Variants in PDK1 observed in about 807,000 individuals in gnomAD.
PDK1 encodes the protein pyruvate dehydrogenase kinase 1.
PDK1 carries 39 observed loss-of-function variants against 54.2 expected under a neutral mutation model. The observed-to-expected ratio is 0.72, with a 90% CI of 0.56 to 0.94. PDK1 has a LOEUF of 0.94. Among genes scored for constraint, PDK1 ranks in the 40% least tolerant of loss-of-function variants. PDK1 has a pLI of 0.00. For synonymous variants in PDK1, 221 were observed against 207.1 expected (o/e 1.07, Z -0.58); for missense variants, 552 against 566.0 (o/e 0.98, Z 0.25).
At chr2:172,643,757 C>T in the PDK1 span, among the ~76,000 whole-genome samples, 1 of 152,188 alleles carries the variant, frequency 6.6e-6, no homozygotes, top group East Asian at 1.9e-4. Flanking sequence ...AGGGCCAGTT[C>T]TCCCTGCCCC....
the PDK1 span, among the ~76,000 whole-genome samples, chr2:172,619,552 T>C: frequency 6.6e-6 from 1 of 152,092 alleles, no homozygotes; most frequent in East Asian, 1.9e-4. Flanking sequence ...TTTGGTTTTC[T>C]GCGGTAACAG....
In PDK1 at chr2:172,556,208, C is replaced by T. The variant is rs2149169062; in HGVS notation, c.58C>T (p.Arg20Cys). ...AALAGPGPGL[R>C]AAGFSRSFSS... is the part of the protein sequence containing the mutation. Reference sequence around the variant, plus strand: ...CTTGGCCGGCCCGGGCCCGGGGCTGCGCGCCGCCGGCTTCAGCCGCAGCTT... The same window carrying T: ...CTTGGCCGGCCCGGGCCCGGGGCTGTGCGCCGCCGGCTTCAGCCGCAGCTT... Residue 20 changes from arginine to cysteine, a missense_variant, in exon 1 of 11, where the codon CGC (arginine) becomes TGC (cysteine). Physicochemically the swap from Arg to Cys is radical, Grantham distance 180. Coordinates refer to ENST00000282077, the MANE Select transcript of PDK1 (RefSeq NM_002610.5). 1 of 1,416,738 alleles carries T rather than the reference C, an allele frequency of 7.1e-7. No homozygotes were observed. The highest frequency in any genetic ancestry group is 9.1e-7 in the Non-Finnish European group (1 of 1,093,140). The allele number at this position is 1,416,738 out of a possible 1,614,324, so 87.8% of individuals were successfully genotyped here. A position where few individuals can be genotyped will look rare whatever the true frequency, so the allele number is the denominator to read the frequency against.
At chr2:172,614,295 G>A in the PDK1 span, among the ~76,000 whole-genome samples, 858 of 152,232 alleles carry the variant, frequency 5.6e-3, 8 homozygotes, top group African/African-American at 0.019. Context: ...GAAGACTGGG[G>A]ACCAGGCTGC....
the PDK1 span, among the ~76,000 whole-genome samples, chr2:172,621,533 T>TTATA: frequency 1.4e-5 from 2 of 147,368 alleles, no homozygotes; most frequent in Non-Finnish European, 3.0e-5. Flanking sequence ...CTCTTCTTTT[T>TTATA]TATATATATA....
intron 9 of PDK1, among the ~76,000 whole-genome samples, chr2:172,587,119 A>G (rs1690274652): frequency 6.6e-6 from 1 of 152,178 alleles, no homozygotes; most frequent in Admixed American, 6.5e-5. Context: ...GGAAGTTACT[A>G]GGACTTTATT....
intron 10 of PDK1, among the ~76,000 whole-genome samples, chr2:172,594,042 T>TC (rs1475908320): frequency 6.6e-6 from 1 of 151,286 alleles, no homozygotes; most frequent in Non-Finnish European, 1.5e-5. Flanking sequence ...TTTTTCTTTT[T>TC]TTTTTTTTTT....
Position 172,570,723 on chromosome 2 carries a change from C to T in PDK1, c.847-3C>T, listed in dbSNP as rs2149230332. The T allele has an allele frequency of 6.4e-7, 1 of 1,565,956 alleles. No individual in the cohort carries two copies. Among genetic ancestry groups the T allele is most frequent in the Non-Finnish European group, 8.8e-7 (1 of 1,139,506 alleles). ...TTTTTAATACAACCCTAATGTATTT[C>T]AGAATGCAATGAGAGCCACTATGGA... On this transcript the variant is annotated splice_region_variant and splice_polypyrimidine_tract_variant and intron_variant, in intron 7 of 10. Coordinates refer to ENST00000282077, the MANE Select transcript of PDK1 (RefSeq NM_002610.5).
intron 1 of PDK1, among the ~76,000 whole-genome samples, chr2:172,557,463 AT>A (rs1359388437): frequency 2.0e-5 from 3 of 152,176 alleles, no homozygotes; most frequent in Admixed American, 1.3e-4. Flanking sequence ...AGGGAGTGAT[AT>A]GGGATCCTGA....
At chr2:172,699,478 C>CTTTTTTTTTTTTTTTTTTTTTTT in the PDK1 span, among the ~76,000 whole-genome samples, 1 of 130,234 alleles carries the variant, frequency 7.7e-6, no homozygotes, top group African/African-American at 2.9e-5. Context: ...CCTCATCTGA[C>CTTTTTTTTTTTTTTTTTTTTTTT]TTTTTTTTTT....
chr2:172,708,995 A>G, the PDK1 span, among the ~76,000 whole-genome samples: 1 of 152,208 alleles, frequency 6.6e-6, no homozygotes, highest in South Asian at 2.1e-4. Flanking sequence ...GCAGTCAGAG[A>G]TGGGACAAAA....
At position 172,558,853 on chromosome 2, in the gene PDK1, A is replaced by C. The variant is rs568731238; in HGVS notation, c.338+4A>C. 1.9e-6 allele frequency: 3 copies of C among 1,608,112 alleles called. No individual in the cohort carries two copies. In the African/African-American group the frequency reaches 4.0e-5, roughly 22 times the overall value. On this transcript the variant is annotated splice_donor_region_variant and intron_variant, in intron 2 of 10. Coordinates refer to ENST00000282077, the MANE Select transcript of PDK1 (RefSeq NM_002610.5). ...CCGTTCAATTGGTACAAAGCTGGTA[A>C]GATTCTCATCTTGTGTTTGCAATTT...
chr2:172,583,038 AC>A (rs1311277719), intron 8 of PDK1, among the ~76,000 whole-genome samples: 3 of 152,090 alleles, frequency 2.0e-5, no homozygotes, highest in Admixed American at 2.0e-4. Flanking sequence ...ACTCAAGTCT[AC>A]CTTTTTATCT....
the PDK1 span, among the ~76,000 whole-genome samples, chr2:172,654,379 T>C: frequency 6.6e-6 from 1 of 152,180 alleles, no homozygotes; most frequent in Non-Finnish European, 1.5e-5. Flanking sequence ...CAAATGTCCA[T>C]CAGTGATAGA....
chr2:172,558,943 TTTTTG>T (rs1293611629), intron 2 of PDK1, 94 bp downstream of exon 2: 79 of 1,295,690 alleles, frequency 6.1e-5, no homozygotes, highest in South Asian at 1.1e-4. Context: ...GGTGGAATCT[TTTTTG>T]TTTTGTTTTG....
At chr2:172,714,961 T>C in the PDK1 span, among the ~76,000 whole-genome samples, 1 of 152,260 alleles carries the variant, frequency 6.6e-6, no homozygotes, top group East Asian at 1.9e-4. Flanking sequence ...TGAATATAGA[T>C]TTTCTATATC....
the PDK1 span, among the ~76,000 whole-genome samples, chr2:172,693,148 C>T: frequency 1.2e-3 from 177 of 152,322 alleles, no homozygotes; most frequent in Admixed American, 2.6e-3. Context: ...CTCCTGTGCC[C>T]GTGGCTAGCT....
At chr2:172,646,572 T>A in the PDK1 span, among the ~76,000 whole-genome samples, 1 of 152,012 alleles carries the variant, frequency 6.6e-6, no homozygotes, top group Admixed American at 6.6e-5. Flanking sequence ...ATGAATTTTG[T>A]TAGCCTGCCT....
chr2:172,563,067 T>G (rs1402604153), intron 3 of PDK1, among the ~76,000 whole-genome samples: 3 of 152,226 alleles, frequency 2.0e-5, no homozygotes, highest in African/African-American at 7.2e-5. Flanking sequence ...ATGAATGATG[T>G]TTTTTAATCT....
intron 7 of PDK1, among the ~76,000 whole-genome samples, 171 bp downstream of exon 7, chr2:172,568,988 T>C (rs1689109978): frequency 1.3e-5 from 2 of 152,198 alleles, no homozygotes; most frequent in African/African-American, 4.8e-5. Context: ...GACATCTCCA[T>C]GTAGTGGTGA....
Sources: allele counts gnomAD v4.1 joint callset (sites outside exome capture counted in the v4.1 genomes callset), GRCh38; gene constraint gnomAD v4.1.1; transcripts MANE v1.5; gene names NCBI Gene and HGNC (gene_info 2026-07-23, HGNC 2026-07-21).